The following HECW1 variants were observed in gnomAD, a reference collection of about 807,000 sequenced individuals.
The protein encoded by HECW1 is HECT, C2 and WW domain containing E3 ubiquitin protein ligase 1, also known as E3 ubiquitin-protein ligase HECW1.
A neutral mutation model predicts 182.3 loss-of-function variants in HECW1; 61 were observed. The ratio of observed to expected loss-of-function variants is 0.33; its 90% CI spans 0.27 to 0.41. HECW1 has a LOEUF of 0.41. HECW1 is among the 10% of genes least tolerant of loss of function. The probability of loss-of-function intolerance (pLI) is 1.00; values close to 1 mark genes in which losing one functional copy is unlikely to be tolerated. For synonymous variants in HECW1, 859 were observed against 832.6 expected (o/e 1.03, Z -0.55); for missense variants, 1,739 against 2,108.9 (o/e 0.82, Z 3.44).
At chr7:43,255,328 G>A (rs1800443884) in intron 3 of HECW1, among the ~76,000 whole-genome samples, 1 of 152,320 alleles carries the variant, frequency 6.6e-6, no homozygotes, top group East Asian at 1.9e-4. Context: ...GCCGGGCCTG[G>A]TGGCTCATGC....
At chr7:43,344,241 G>A (rs930645507) in intron 5 of HECW1, among the ~76,000 whole-genome samples, 8 of 151,884 alleles carry the variant, frequency 5.3e-5, no homozygotes, top group Middle Eastern at 3.4e-3. Context: ...TTCTTTTGCT[G>A]TGCAGAATCT....
At chr7:43,164,644 C>T (rs1790908077) in intron 2 of HECW1, among the ~76,000 whole-genome samples, 2 of 152,186 alleles carry the variant, frequency 1.3e-5, no homozygotes, top group South Asian at 2.1e-4. Context: ...GTCCTTGGTG[C>T]ATAGTGGGTG....
intron 3 of HECW1, among the ~76,000 whole-genome samples, chr7:43,294,665 T>G (rs1307716689): frequency 6.6e-6 from 1 of 152,156 alleles, no homozygotes; most frequent in African/African-American, 2.4e-5. Flanking sequence ...CTGCTGACAT[T>G]GGGAGAGCCT....
At chr7:43,206,329 A>G (rs1795476279) in intron 2 of HECW1, among the ~76,000 whole-genome samples, 1 of 152,172 alleles carries the variant, frequency 6.6e-6, no homozygotes. Flanking sequence ...TCAAGGGGTT[A>G]GGAAGACAGG....
At chr7:43,274,743 C>T (rs1372740423) in intron 3 of HECW1, among the ~76,000 whole-genome samples, 1 of 152,124 alleles carries the variant, frequency 6.6e-6, no homozygotes, top group East Asian at 1.9e-4. Flanking sequence ...ATTTGATACA[C>T]ACTTATTGAG....
intron 24 of HECW1, among the ~76,000 whole-genome samples, chr7:43,539,988 C>G (rs551116886): frequency 3.2e-4 from 48 of 152,224 alleles, no homozygotes; most frequent in African/African-American, 1.1e-3. Context: ...TCCACAGTGC[C>G]CCATAGCACT....
At chr7:43,276,508 C>T (rs1306455655) in intron 3 of HECW1, among the ~76,000 whole-genome samples, 1 of 151,940 alleles carries the variant, frequency 6.6e-6, no homozygotes, top group Admixed American at 6.6e-5. Context: ...ATTCACATTA[C>T]AATTACTTTT....
At chr7:43,271,062 A>G (rs75197290) in intron 3 of HECW1, among the ~76,000 whole-genome samples, 1 of 152,212 alleles carries the variant, frequency 6.6e-6, no homozygotes, top group Admixed American at 6.5e-5. Flanking sequence ...ATGCAAATCT[A>G]AAAATGTCAA....
intron 2 of HECW1, among the ~76,000 whole-genome samples, chr7:43,116,189 C>T (rs1290282486): frequency 3.9e-5 from 6 of 152,048 alleles, no homozygotes; most frequent in South Asian, 4.1e-4. Flanking sequence ...CAAAAAAACA[C>T]GTAGAGAATG....
At position 43,468,930 on chromosome 7, in the gene HECW1, G is replaced by A. The variant is rs771823090; in HGVS notation, c.2924G>A (p.Arg975Gln). 7 of 1,614,084 alleles carry A rather than the reference G, an allele frequency of 4.3e-6. No individual in the cohort carries two copies. Among genetic ancestry groups the A allele is most frequent in the East Asian group, 2.2e-5 (1 of 44,876 alleles). The change falls in exon 16 of 30, where the codon CGA (arginine) becomes CAA (glutamine). Residue 975 changes from arginine (R) to glutamine (Q), a missense_variant. By Grantham distance (43) the Arg-to-Gln change is conservative (BLOSUM62 1). Coordinates refer to ENST00000395891, the MANE Select transcript of HECW1 (RefSeq NM_015052.5). ...TVLHANYSAY[R>Q]VFTSSTCLKH... ...CCTGACCTGTCTCAGAGTGCCTACC[G>A]AGTCTTCACCAGTAGCACCTGCTTA...
At chr7:43,126,040 G>C (rs1016266443) in intron 2 of HECW1, among the ~76,000 whole-genome samples, 2 of 149,660 alleles carry the variant, frequency 1.3e-5, no homozygotes, top group Non-Finnish European at 3.0e-5. Context: ...TAAATGCAAG[G>C]CGTGCGTGTA....
intron 12 of HECW1, among the ~76,000 whole-genome samples, chr7:43,451,612 G>A (rs1259926499): frequency 6.6e-6 from 1 of 152,082 alleles, no homozygotes; most frequent in Non-Finnish European, 1.5e-5. Context: ...AAGTTTAAAT[G>A]TCTCCATCTG....
intron 6 of HECW1, among the ~76,000 whole-genome samples, chr7:43,371,519 T>C (rs1817360470): frequency 6.6e-6 from 1 of 152,094 alleles, no homozygotes; most frequent in Non-Finnish European, 1.5e-5. Context: ...AATTCAAAAG[T>C]TTTATGGTAC....
intron 2 of HECW1, among the ~76,000 whole-genome samples, chr7:43,116,216 G>A (rs1785036604): frequency 6.6e-6 from 1 of 152,110 alleles, no homozygotes; most frequent in African/African-American, 2.4e-5. Flanking sequence ...AATGCTGTAG[G>A]TTTTGGTTAT....
At chr7:43,149,800 A>G (rs779328982) in intron 2 of HECW1, among the ~76,000 whole-genome samples, 5 of 152,108 alleles carry the variant, frequency 3.3e-5, no homozygotes, top group Non-Finnish European at 5.9e-5. Context: ...CACTCATACA[A>G]TAGGGTTTAT....
intron 3 of HECW1, among the ~76,000 whole-genome samples, chr7:43,301,114 C>A (rs753105308): frequency 6.6e-5 from 10 of 152,210 alleles, no homozygotes; most frequent in Admixed American, 5.2e-4. Flanking sequence ...CGTGGCCCCC[C>A]ACTCTCCAAT....
At chr7:43,307,889 T>TAC (rs1562811901) in intron 3 of HECW1, among the ~76,000 whole-genome samples, 85 of 99,624 alleles carry the variant, frequency 8.5e-4, no homozygotes, top group African/African-American at 2.4e-3. Flanking sequence ...TATATATATA[T>TAC]ATATATACAC....
intron 2 of HECW1, among the ~76,000 whole-genome samples, chr7:43,147,995 A>G (rs1238447437): frequency 6.6e-6 from 1 of 152,248 alleles, no homozygotes; most frequent in Non-Finnish European, 1.5e-5. Context: ...CCCCAAAGGC[A>G]TAATAATATT....
intron 24 of HECW1, among the ~76,000 whole-genome samples, chr7:43,533,552 G>A (rs960256444): frequency 6.6e-5 from 10 of 152,130 alleles, no homozygotes; most frequent in African/African-American, 2.4e-4. Flanking sequence ...AACAAAATGT[G>A]TGAACCCCCA....
Sources: allele counts gnomAD v4.1 joint callset (sites outside exome capture counted in the v4.1 genomes callset), GRCh38; gene constraint gnomAD v4.1.1; transcripts MANE v1.5; gene names NCBI Gene and HGNC (gene_info 2026-07-23, HGNC 2026-07-21).